THNSL2: variants seen among roughly 807,000 people sequenced by gnomAD.
THNSL2 encodes the protein threonine synthase-like 2.
Under a neutral mutation model 40.0 loss-of-function variants are expected in THNSL2, and 34 were observed. That is an observed-to-expected ratio of 0.85 (90% CI 0.65 to 1.13). THNSL2 has a LOEUF of 1.13. Among genes scored for constraint, THNSL2 ranks in the 50% most tolerant of loss-of-function variants. The pLI, the probability that THNSL2 is intolerant of heterozygous loss-of-function variation, is 0.00. For missense variants in THNSL2, 537 were observed against 608.8 expected (o/e 0.88, Z 1.24); for synonymous variants, 241 against 247.5 (o/e 0.97, Z 0.25).
chr2:88,179,024 C>T lies in THNSL2; in HGVS notation c.802+11C>T. 6.2e-7 allele frequency: 1 copy of T among 1,613,766 alleles called. No individual in the cohort carries two copies. The highest frequency in any genetic ancestry group is 8.5e-7 in the Non-Finnish European group (1 of 1,179,718). On this transcript the variant is annotated intron_variant, in intron 5 of 8. Coordinates refer to ENST00000674334, the MANE Select transcript of THNSL2 (RefSeq NM_018271.5). ...CCGGTAACCTTGCAGGTAAGGAATC[C>T]CCGGGGCACAAATGGGCTTTCCAGA...
At chr2:88,184,486 C>T (rs992042374) in intron 7 of THNSL2, among the ~76,000 whole-genome samples, 21 of 152,066 alleles carry the variant, frequency 1.4e-4, no homozygotes, top group Admixed American at 1.3e-4. Flanking sequence ...TGATACCAGC[C>T]GGGTGAGATG....
chr2:88,174,976 A>C, intron 3 of THNSL2, 143 bp downstream of exon 3: 1 of 1,054,560 alleles, frequency 9.5e-7, no homozygotes, highest in Non-Finnish European at 1.4e-6. Context: ...CTGGTGCCAT[A>C]GACCCCTTTG....
Position 88,186,378 on chromosome 2 carries a change from T to C in THNSL2, c.*255T>C. 2 of 513,164 alleles carry C rather than the reference T, an allele frequency of 3.9e-6. No individual in the cohort carries two copies. Among genetic ancestry groups the C allele is most frequent in the Non-Finnish European group, 7.1e-6 (2 of 282,386 alleles). 31.8% of individuals were successfully genotyped at this position (513,164 alleles called of 1,614,324 possible). On this transcript the variant is annotated 3_prime_UTR_variant, in exon 9 of 9. Coordinates refer to ENST00000674334, the MANE Select transcript of THNSL2 (RefSeq NM_018271.5). ...GGCCCGTGCAGCAGTGTCTGAGCTGTAGTGAAAGTTTCAGGGCCTGCAAAA... is the reference window on the plus strand; with the variant it reads ...GGCCCGTGCAGCAGTGTCTGAGCTGCAGTGAAAGTTTCAGGGCCTGCAAAA...
In THNSL2 at chr2:88,182,969, G is replaced by A. The variant is rs376687469; in HGVS notation, c.973G>A (p.Val325Met). 5.0e-6 allele frequency: 8 copies of A among 1,614,046 alleles called. No individual in the cohort carries two copies. In the African/African-American group the frequency reaches 9.3e-5, roughly 19 times the overall value. ...TCAGGTGCCCTACAACATGGAGAGGGTGTTCTGGCTGCTCTCTGGCTCTGA... is the reference window on the plus strand; with the variant it reads ...TCAGGTGCCCTACAACATGGAGAGGATGTTCTGGCTGCTCTCTGGCTCTGA... ...DIQVPYNMER[V>M]FWLLSGSDSQ... The change falls in exon 7 of 9, where the codon GTG (valine) becomes ATG (methionine). Residue 325 changes from valine (V) to methionine (M), a missense_variant. Val to Met is a conservative substitution (Grantham distance 21, BLOSUM62 1). Transcript: ENST00000674334.
chr2:88,177,806 T>C (rs1169313319), intron 4 of THNSL2, among the ~76,000 whole-genome samples: 1 of 152,232 alleles, frequency 6.6e-6, no homozygotes, highest in Non-Finnish European at 1.5e-5. Flanking sequence ...TGATCGGAAT[T>C]TATTCACATG....
rs1462243775 is a variant in THNSL2 at position 88,185,701 on chromosome 2, C to T, written c.1230-197C>T. On this transcript the variant is annotated intron_variant, in intron 8 of 8. Transcript: ENST00000674334. ...CAGAGGTGGTGGCTGAGCTGGCCTC[C>T]AACCAGGAGGAGCAGTTTGCCAGGT... The T allele has an allele frequency of 3.9e-6, 6 of 1,551,392 alleles. No individual in the cohort carries two copies. In the East Asian group the frequency reaches 1.5e-4, roughly 38 times the overall value.
chr2:88,176,266 C>T (rs555713071), intron 4 of THNSL2: 84 of 152,318 alleles, frequency 5.5e-4, no homozygotes, highest in Middle Eastern at 3.4e-3. Context: ...AGAATCACAG[C>T]ATTTTGTGCT....
intron 3 of THNSL2, 51 bp downstream of exon 3, chr2:88,174,884 G>A (rs760034294): frequency 4.4e-6 from 7 of 1,588,804 alleles, no homozygotes; most frequent in South Asian, 1.1e-5. Context: ...TGACTGTAGG[G>A]TGTCCACCTA....
Position 88,178,972 on chromosome 2 carries a change from T to C in THNSL2, c.761T>C (p.Val254Ala). The change falls in exon 5 of 9, where the codon GTG (valine) becomes GCG (alanine). Residue 254 changes from valine to alanine, a missense_variant. By Grantham distance (64) the Val-to-Ala change is moderately conservative. Coordinates refer to ENST00000674334, the MANE Select transcript of THNSL2 (RefSeq NM_018271.5). ...TTGGACACACATCCCCTACCCCTGG[T>C]GGAGGTGGTTGTGCCAACAGGGGCT... Reference protein sequence around the residue: ...PSLDTHPLPLVEVVVPTGAAG... With the variant: ...PSLDTHPLPLAEVVVPTGAAG... 1 of 1,614,106 alleles carries C rather than the reference T, an allele frequency of 6.2e-7. No homozygotes were observed. The highest frequency in any genetic ancestry group is 1.1e-5 in the South Asian group (1 of 91,078).
chr2:88,185,166 TAGG>T (rs1678131997), intron 7 of THNSL2, among the ~76,000 whole-genome samples, 159 bp from the exon 8 acceptor site: 1 of 152,124 alleles, frequency 6.6e-6, no homozygotes. Flanking sequence ...AGCTCAAAAC[TAGG>T]AGGCCAGATT....
rs774999445 is a variant in THNSL2 at position 88,182,816 on chromosome 2, A to G, written c.920A>G (p.Lys307Arg). 1 of 1,614,160 alleles carries G rather than the reference A, an allele frequency of 6.2e-7. No homozygotes were observed. The highest frequency in any genetic ancestry group is 1.1e-5 in the South Asian group (1 of 91,074). Residue 307 changes from lysine to arginine, a missense_variant, in exon 6 of 9, where the codon AAA becomes AGA. Physicochemically the swap from Lys to Arg is conservative, Grantham distance 26. Coordinates refer to ENST00000674334, the MANE Select transcript of THNSL2 (RefSeq NM_018271.5). The stretch of plus-strand genomic sequence containing the variant: ...GACTTCTCTCTCTCTGAGGCTGTTA[A>G]ATCAACCTTGGCATCAGCTATGGAC... ...QGDFSLSEAV[K>R]STLASAMDIQ...
At chr2:88,181,048 A>G (rs568246211) in intron 5 of THNSL2, among the ~76,000 whole-genome samples, 4 of 151,756 alleles carry the variant, frequency 2.6e-5, no homozygotes, top group Admixed American at 1.3e-4. Flanking sequence ...CACATAAAAC[A>G]GCCTCAGGGC....
At chr2:88,175,148 T>C in intron 3 of THNSL2, 101 bp from the exon 4 acceptor site, 1 of 1,275,564 alleles carries the variant, frequency 7.8e-7, no homozygotes, top group Non-Finnish European at 1.1e-6. Context: ...GTATTTGAAG[T>C]AGATGTTGCT....
At chr2:88,185,807 C>T (rs1678226650) in intron 8 of THNSL2, 91 bp from the exon 9 acceptor site, 13 of 1,539,524 alleles carry the variant, frequency 8.4e-6, no homozygotes, top group Non-Finnish European at 1.1e-5. Context: ...CCCTAAACTT[C>T]CTCTGTTTCT....
chr2:88,175,102 G>T (rs1008219124), intron 3 of THNSL2, 147 bp from the exon 4 acceptor site: 1 of 933,668 alleles, frequency 1.1e-6, no homozygotes. Context: ...GTGGATCCAT[G>T]GACCCTAGGT....
At chr2:88,174,483 A>G (rs1281246004) in intron 2 of THNSL2, among the ~76,000 whole-genome samples, 156 bp from the exon 3 acceptor site, 1 of 152,172 alleles carries the variant, frequency 6.6e-6, no homozygotes, top group Admixed American at 6.5e-5. Context: ...ACTTTTTTCT[A>G]GGTTTTTACA....
At chr2:88,174,520 A>T in intron 2 of THNSL2, 119 bp from the exon 3 acceptor site, 2 of 1,011,188 alleles carry the variant, frequency 2.0e-6, no homozygotes, top group Non-Finnish European at 2.9e-6. Flanking sequence ...GTATCATTTA[A>T]GATGAAGATT....
intron 2 of THNSL2, 123 bp from the exon 3 acceptor site, chr2:88,174,516 T>C: frequency 2.0e-6 from 2 of 984,674 alleles, no homozygotes; most frequent in South Asian, 1.8e-5. Flanking sequence ...AATGGTATCA[T>C]TTAAGATGAA....
intron 5 of THNSL2, among the ~76,000 whole-genome samples, chr2:88,179,464 T>C (rs1157166530): frequency 6.6e-6 from 1 of 152,228 alleles, no homozygotes; most frequent in African/African-American, 2.4e-5. Context: ...GAAAGAGTTC[T>C]GGACTTGGGG....
Sources: gnomAD v4.1 joint callset for allele counts (sites outside exome capture counted in the v4.1 genomes callset) on GRCh38, gnomAD v4.1.1 for gene constraint, MANE v1.5 for transcripts, NCBI Gene and HGNC (gene_info 2026-07-23, HGNC 2026-07-21) for gene names.